Variants in CSMD3 observed in about 807,000 individuals in gnomAD.
CSMD3 encodes the protein CUB and Sushi multiple domains 3.
In CSMD3, 177 loss-of-function variants were observed where a neutral mutation model predicts 435.2. The ratio of observed to expected loss-of-function variants is 0.41; its 90% CI spans 0.36 to 0.46. CSMD3 has a LOEUF of 0.46. Among genes scored for constraint, CSMD3 ranks in the 20% least tolerant of loss-of-function variants. The probability of loss-of-function intolerance (pLI) is 0.34; values close to 1 mark genes in which losing one functional copy is unlikely to be tolerated. For missense variants in CSMD3, 4,265 were observed against 4,504.6 expected, an observed-to-expected ratio of 0.95 and a Z score of 1.52; for synonymous variants, 1,656 against 1,520.5, an observed-to-expected ratio of 1.09 and a Z score of -2.07.
At chr8:112,800,298 GGAGA>G in intron 12 of CSMD3, 24 bp from the exon 13 acceptor site, 2 of 1,391,062 alleles carry the variant, frequency 1.4e-6, no homozygotes, top group Non-Finnish European at 2.0e-6. Context: ...GACAAAGAAG[GGAGA>G]GATGGGTTAT....
intron 4 of CSMD3, among the ~76,000 whole-genome samples, chr8:113,143,311 G>T: frequency 6.6e-6 from 1 of 151,210 alleles, no homozygotes; most frequent in East Asian, 1.9e-4. Flanking sequence ...TAAAAAAACA[G>T]TAATGCCTCC....
At chr8:112,977,223 A>AT (rs913553631) in intron 6 of CSMD3, among the ~76,000 whole-genome samples, 34 of 152,180 alleles carry the variant, frequency 2.2e-4, no homozygotes, top group African/African-American at 8.2e-4. Flanking sequence ...ACAACCAAAA[A>AT]AAATATTGAA....
intron 2 of CSMD3, 135 bp from the exon 3 acceptor site, chr8:113,278,839 C>A: frequency 1.6e-6 from 1 of 613,610 alleles, no homozygotes; most frequent in Non-Finnish European, 3.0e-6. Context: ...TGCTATCCAG[C>A]CAACACCTTG....
At chr8:113,082,803 A>C (rs2131461977) in intron 5 of CSMD3, among the ~76,000 whole-genome samples, 1 of 152,252 alleles carries the variant, frequency 6.6e-6, no homozygotes, top group East Asian at 1.9e-4. Flanking sequence ...ACAATGAATA[A>C]AATTAAAAAA....
At chr8:113,022,165 G>T (rs557748405) in intron 5 of CSMD3, among the ~76,000 whole-genome samples, 39 of 152,082 alleles carry the variant, frequency 2.6e-4, no homozygotes, top group African/African-American at 8.2e-4. Flanking sequence ...AGGAAATGAG[G>T]GATTGAGAAT....
intron 3 of CSMD3, among the ~76,000 whole-genome samples, chr8:113,231,148 T>C (rs2132187123): frequency 6.6e-6 from 1 of 151,550 alleles, no homozygotes; most frequent in East Asian, 1.9e-4. Context: ...TAACTATATT[T>C]TTCCCATAAA....
intron 5 of CSMD3, among the ~76,000 whole-genome samples, chr8:113,073,429 C>T (rs144252939): frequency 5.3e-5 from 8 of 151,930 alleles, no homozygotes; most frequent in African/African-American, 1.7e-4. Flanking sequence ...GAGGAATGAA[C>T]AAGTAATTCT....
In CSMD3 at chr8:112,826,349, T is replaced by C. The variant is rs564820402; in HGVS notation, c.1859+3337A>G. Among the ~76,000 whole-genome samples, 11 of 152,210 alleles carry C rather than the reference T, an allele frequency of 7.2e-5. No individual in the cohort carries two copies. In the South Asian group the frequency reaches 2.3e-3, roughly 32 times the overall value. Reference sequence around the variant, plus strand: ...AGACAACAGGCAGCCACAGCTGAGATGCTGGCCACCCCTTCCCCTGAGAGC... The same window carrying C: ...AGACAACAGGCAGCCACAGCTGAGACGCTGGCCACCCCTTCCCCTGAGAGC... On this transcript the variant is annotated intron_variant, in intron 12 of 70. Transcript: ENST00000297405.
chr8:113,335,804 CTT>C (rs1462954793), intron 1 of CSMD3, among the ~76,000 whole-genome samples: 3 of 151,756 alleles, frequency 2.0e-5, no homozygotes, highest in African/African-American at 7.3e-5. Flanking sequence ...ACTTCTGTAT[CTT>C]TTATCCTTTT....
chr8:113,139,035 A>G (rs932215881), intron 4 of CSMD3, among the ~76,000 whole-genome samples: 2 of 151,058 alleles, frequency 1.3e-5, no homozygotes, highest in African/African-American at 4.8e-5. Context: ...AAAATATCCA[A>G]TGGATGGGCT....
At chr8:112,893,300 A>G (rs1326969694) in intron 10 of CSMD3, among the ~76,000 whole-genome samples, 1 of 151,464 alleles carries the variant, frequency 6.6e-6, no homozygotes, top group Non-Finnish European at 1.5e-5. Context: ...ATTGAGAATC[A>G]ATGACTAGAT....
chr8:112,230,985 T>C (rs559532637), intron 69 of CSMD3, among the ~76,000 whole-genome samples: 1 of 152,290 alleles, frequency 6.6e-6, no homozygotes, highest in East Asian at 1.9e-4. Context: ...TGCCAGACCA[T>C]TAAAGGTTTA....
intron 1 of CSMD3, among the ~76,000 whole-genome samples, chr8:113,399,550 G>T (rs2094500273): frequency 6.6e-6 from 1 of 151,572 alleles, no homozygotes; most frequent in Non-Finnish European, 1.5e-5. Flanking sequence ...AGTTACAAAA[G>T]ATTATATATT....
intron 32 of CSMD3, among the ~76,000 whole-genome samples, chr8:112,420,078 C>A (rs2130260343): frequency 6.6e-6 from 1 of 152,034 alleles, no homozygotes; most frequent in Non-Finnish European, 1.5e-5. Flanking sequence ...TGCCAAATCC[C>A]AATTAGGTCA....
intron 31 of CSMD3, among the ~76,000 whole-genome samples, chr8:112,487,813 T>C (rs1163243118): frequency 2.0e-5 from 3 of 152,170 alleles, no homozygotes; most frequent in East Asian, 1.9e-4. Flanking sequence ...TCTGTCACTA[T>C]TTTTGTTTTA....
chr8:112,948,150 T>A (rs751508713), intron 8 of CSMD3, among the ~76,000 whole-genome samples: 1 of 151,960 alleles, frequency 6.6e-6, no homozygotes, highest in Non-Finnish European at 1.5e-5. Flanking sequence ...TTGTTTTTAG[T>A]TTCCATCAAA....
intron 2 of CSMD3, among the ~76,000 whole-genome samples, chr8:113,308,284 T>TTG: frequency 7.1e-6 from 1 of 140,404 alleles, no homozygotes; most frequent in Non-Finnish European, 1.5e-5. Flanking sequence ...TTTTTTTTTT[T>TTG]TTGAGATGGA....
chr8:112,676,616 T>A (rs539419250), intron 16 of CSMD3, among the ~76,000 whole-genome samples: 52 of 152,238 alleles, frequency 3.4e-4, no homozygotes, highest in African/African-American at 1.2e-3. Flanking sequence ...AAAATCCTTT[T>A]CAACTTTCAA....
At chr8:112,772,752 G>A (rs992234696) in intron 13 of CSMD3, among the ~76,000 whole-genome samples, 2 of 152,054 alleles carry the variant, frequency 1.3e-5, no homozygotes, top group East Asian at 1.9e-4. Flanking sequence ...GGGGAAAACC[G>A]CCTTAGGGCT....
Sources: gnomAD v4.1 joint callset for allele counts (sites outside exome capture counted in the v4.1 genomes callset) on GRCh38, gnomAD v4.1.1 for gene constraint, MANE v1.5 for transcripts, NCBI Gene and HGNC (gene_info 2026-07-23, HGNC 2026-07-21) for gene names.